N4BP2L2: variants seen among roughly 807,000 people sequenced by gnomAD.
The protein encoded by N4BP2L2 is NEDD4 binding protein 2 like 2.
In N4BP2L2, 50 loss-of-function variants were observed where a neutral mutation model predicts 56.2. That is an observed-to-expected ratio of 0.89 (90% confidence interval 0.71 to 1.13). The LOEUF is 1.13. N4BP2L2 is among the 50% of genes most tolerant of loss of function. The probability of loss-of-function intolerance (pLI) is 0.00; values close to 1 mark genes in which losing one functional copy is unlikely to be tolerated. For missense variants in N4BP2L2, 689 were observed against 693.8 expected, an observed-to-expected ratio of 0.99 and a Z score of 0.08; for synonymous variants, 203 against 223.6, an observed-to-expected ratio of 0.91 and a Z score of 0.82.
chr13:32,473,012 G>A (rs1031807268), intron 6 of N4BP2L2, among the ~76,000 whole-genome samples: 5 of 152,150 alleles, frequency 3.3e-5, no homozygotes, highest in Admixed American at 1.3e-4. Flanking sequence ...CAGACGCGGT[G>A]GCTCACGCCT....
intron 6 of N4BP2L2, among the ~76,000 whole-genome samples, chr13:32,499,120 C>T (rs1404180688): frequency 6.6e-6 from 1 of 152,044 alleles, no homozygotes; most frequent in Admixed American, 6.5e-5. Flanking sequence ...CTCCCATATT[C>T]CTTCCTTCTT....
chr13:32,450,181 G>A (rs931629822), intron 6 of N4BP2L2, among the ~76,000 whole-genome samples: 3 of 152,068 alleles, frequency 2.0e-5, no homozygotes, highest in Non-Finnish European at 4.4e-5. Flanking sequence ...AATTACTAAT[G>A]TACGGACCAT....
Position 32,521,533 on chromosome 13 carries a change from G to A in N4BP2L2, c.1474-84C>T, listed in dbSNP as rs553537992. 19 of 901,536 alleles carry A rather than the reference G, an allele frequency of 2.1e-5. No homozygotes were observed. In the African/African-American group the frequency reaches 2.2e-4, roughly 10 times the overall value. 55.8% of individuals were successfully genotyped at this position (901,536 alleles called of 1,614,324 possible). Reference sequence around the variant, plus strand: ...AAGGCAGACAGTTAAATTTCATTTCGACAATACTATACACTTGCTCGACCA... The same window carrying A: ...AAGGCAGACAGTTAAATTTCATTTCAACAATACTATACACTTGCTCGACCA... On this transcript the variant is annotated intron_variant, in intron 4 of 5. Transcript: ENST00000267068.
intron 9 of N4BP2L2, among the ~76,000 whole-genome samples, chr13:32,434,806 C>G (rs996359095): frequency 6.6e-6 from 1 of 152,244 alleles, no homozygotes. Flanking sequence ...AGCTATAGCA[C>G]TCATAAAATT....
rs143595486 is a variant in N4BP2L2, at chr13:32,476,025, T to C, written c.366-31899A>G. ...ACCTTAAAATGGTATTGAGGAGAAT[T>C]ACATTTCCAGGAATGTAGTAAGTAG... On this transcript the variant is annotated intron_variant, in intron 6 of 9. Coordinates refer to the N4BP2L2 transcript ENST00000357505. Among the ~76,000 whole-genome samples, 607 of 152,300 alleles carry C rather than the reference T, an allele frequency of 4.0e-3. 6 individuals are homozygous for C. The highest frequency in any genetic ancestry group is 0.014 in the African/African-American group (579 of 41,552).
chr13:32,488,431 A>G (rs2086360340), intron 6 of N4BP2L2, among the ~76,000 whole-genome samples: 1 of 152,220 alleles, frequency 6.6e-6, no homozygotes, highest in African/African-American at 2.4e-5. Context: ...GAGGATGCAT[A>G]GTGAATACAA....
rs199530131 is a variant in N4BP2L2, at chr13:32,434,254, TTC to T, written c.*22-1284_*22-1283del. On this transcript the variant is annotated intron_variant, in intron 9 of 9. Transcript: ENST00000357505. ...ACCACATTCAGCTAATTTTCTTTTT[TTC>T]TTTTTTTTTTTTTTGTATTTTAGTA... Among the ~76,000 whole-genome samples the T allele has an allele frequency of 2.7e-4, 37 of 139,396 alleles. 3 individuals carry two copies. The highest frequency in any genetic ancestry group is 7.3e-4 in the African/African-American group (26 of 35,742). The allele number at this position is 139,396 out of a possible 152,430, so 91.4% of individuals were successfully genotyped here.
intron 6 of N4BP2L2, among the ~76,000 whole-genome samples, chr13:32,448,719 T>A (rs1355578089): frequency 1.3e-5 from 2 of 151,648 alleles, no homozygotes; most frequent in African/African-American, 4.8e-5. Flanking sequence ...CATGAAAAAA[T>A]ATAATTAAGG....
intron 6 of N4BP2L2, among the ~76,000 whole-genome samples, chr13:32,459,265 GAAGAA>G (rs1004039184): frequency 6.6e-6 from 1 of 151,496 alleles, no homozygotes; most frequent in African/African-American, 2.4e-5. Flanking sequence ...CAAATTAATA[GAAGAA>G]AAGAAATATT....
At chr13:32,495,682 C>T (rs1489841496) in intron 6 of N4BP2L2, among the ~76,000 whole-genome samples, 1 of 152,010 alleles carries the variant, frequency 6.6e-6, no homozygotes, top group African/African-American at 2.4e-5. Context: ...AGGCAAATGC[C>T]CGCTGCCTCT....
intron 6 of N4BP2L2, among the ~76,000 whole-genome samples, chr13:32,465,202 T>G (rs2081012526): frequency 3.9e-5 from 6 of 152,150 alleles, no homozygotes; most frequent in Admixed American, 3.9e-4. Flanking sequence ...CCTGACCTTG[T>G]GATCCACTGG....
At chr13:32,483,028 TTTCACTAA>T in intron 6 of N4BP2L2, among the ~76,000 whole-genome samples, 1 of 152,362 alleles carries the variant, frequency 6.6e-6, no homozygotes, top group East Asian at 1.9e-4. Context: ...CATCCAATTA[TTTCACTAA>T]TGTGGTAAAC....
intron 6 of N4BP2L2, among the ~76,000 whole-genome samples, chr13:32,487,926 T>C (rs1226169882): frequency 6.6e-6 from 1 of 152,076 alleles, no homozygotes; most frequent in Non-Finnish European, 1.5e-5. Context: ...CAGTGCAATA[T>C]TGGCTCATTG....
At chr13:32,438,284 A>G (rs1424320301) in intron 8 of N4BP2L2, among the ~76,000 whole-genome samples, 1 of 152,250 alleles carries the variant, frequency 6.6e-6, no homozygotes, top group East Asian at 1.9e-4. Context: ...GTCATTTGCA[A>G]CAACGTGGAT....
At chr13:32,440,117 T>TGCC (rs1287881280) in intron 7 of N4BP2L2, among the ~76,000 whole-genome samples, 1 of 152,134 alleles carries the variant, frequency 6.6e-6, no homozygotes, top group East Asian at 1.9e-4. Flanking sequence ...ATAAATATGA[T>TGCC]GCCAGAGCCC....
chr13:32,490,418 C>T (rs997316919), intron 6 of N4BP2L2, among the ~76,000 whole-genome samples: 1 of 152,128 alleles, frequency 6.6e-6, no homozygotes, highest in African/African-American at 2.4e-5. Context: ...AATTCTCCTG[C>T]CTCAGCCTCC....
Position 32,536,798 on chromosome 13 carries a change from T to C in N4BP2L2, c.230A>G (p.Asp77Gly), listed in dbSNP as rs781215345. The C allele has an allele frequency of 1.9e-6, 3 of 1,613,994 alleles. No homozygotes were observed. In the African/African-American group the frequency reaches 4.0e-5, roughly 22 times the overall value. Residue 77 changes from aspartate (D) to glycine (G), a missense_variant, in exon 2 of 6, where the codon GAT becomes GGT. Asp to Gly is a moderately conservative substitution (Grantham distance 94). Transcript: ENST00000267068. Reference sequence around the variant, plus strand: ...CTCATCATGCAAAGGTCTATGCAAATCTGTAGTTTTGATTTTGTTCTCCTG... The same window carrying C: ...CTCATCATGCAAAGGTCTATGCAAACCTGTAGTTTTGATTTTGTTCTCCTG...
intron 9 of N4BP2L2, among the ~76,000 whole-genome samples, chr13:32,433,931 CAA>C (rs60540916): frequency 0.62 from 52,807 of 85,310 alleles, 12,826 homozygotes; most frequent in East Asian, 0.76. Flanking sequence ...GACCGTGTCT[CAA>C]AAAAAAAAAA....
At chr13:32,465,431 T>C (rs2138801480) in intron 6 of N4BP2L2, among the ~76,000 whole-genome samples, 1 of 152,310 alleles carries the variant, frequency 6.6e-6, no homozygotes, top group South Asian at 2.1e-4. Context: ...TCCATATTGA[T>C]GGACCCACAA....
Sources: gnomAD v4.1 joint callset for allele counts (sites outside exome capture counted in the v4.1 genomes callset) on GRCh38, gnomAD v4.1.1 for gene constraint, MANE v1.5 for transcripts, NCBI Gene and HGNC (gene_info 2026-07-23, HGNC 2026-07-21) for gene names.